The following BLOC1S5 variants were observed in gnomAD, a reference collection of about 807,000 sequenced individuals.
BLOC1S5 encodes biogenesis of lysosome-related organelles complex 1 subunit 5.
A neutral mutation model predicts 24.3 loss-of-function variants in BLOC1S5; 27 were observed. The observed-to-expected ratio is 1.11, with a 90% CI of 0.82 to 1.53. BLOC1S5 has a LOEUF of 1.53. Ranked by LOEUF, BLOC1S5 falls within the 40% of genes most tolerant of loss-of-function variation. BLOC1S5 has a pLI of 0.00. For synonymous variants in BLOC1S5, 84 were observed against 74.5 expected, an observed-to-expected ratio of 1.13 and a Z score of -0.66; for missense variants, 239 against 229.4, an observed-to-expected ratio of 1.04 and a Z score of -0.27.
chr6:8,060,438 G>C (rs1011970851), intron 2 of BLOC1S5, among the ~76,000 whole-genome samples: 4 of 152,160 alleles, frequency 2.6e-5, no homozygotes, highest in African/African-American at 9.7e-5. Flanking sequence ...GCCAAAGTAG[G>C]AGGAGGCTAA....
chr6:8,046,564 A>G (rs79851630), intron 2 of BLOC1S5, among the ~76,000 whole-genome samples: 6,665 of 152,168 alleles, frequency 0.044, 501 homozygotes, highest in African/African-American at 0.15. Flanking sequence ...TAATTTTCCC[A>G]TAATAAAATA....
In BLOC1S5 at chr6:8,015,968, G is replaced by A. The variant is rs189165267; in HGVS notation, c.385-140C>T. ...TGTGTTATAATATCCAAAAAAAGAT[G>A]ACACATTAGAAACATCTAAGGCTTC... On this transcript the variant is annotated intron_variant, in intron 4 of 4. Transcript: ENST00000397457. 159 of 696,612 alleles carry A rather than the reference G, an allele frequency of 2.3e-4. No homozygotes were observed. The African/African-American group carries it at 2.5e-3, about 11-fold the overall frequency. The allele number at this position is 696,612 out of a possible 1,614,324, so 43.2% of individuals were successfully genotyped here.
intron 2 of BLOC1S5, among the ~76,000 whole-genome samples, chr6:8,053,970 T>C (rs1764224754): frequency 6.6e-6 from 1 of 152,240 alleles, no homozygotes; most frequent in Non-Finnish European, 1.5e-5. Context: ...TCTGAAACTT[T>C]TTGAATGCTA....
chr6:8,024,899 T>C lies in BLOC1S5; in HGVS notation c.384+1468A>G, dbSNP rs560765793. Among the ~76,000 whole-genome samples, 14 of 152,370 alleles carry C rather than the reference T, an allele frequency of 9.2e-5. No homozygotes were observed. The South Asian group carries it at 2.7e-3, about 29-fold the overall frequency. On this transcript the variant is annotated intron_variant, in intron 4 of 4. Transcript: ENST00000397457. The stretch of plus-strand genomic sequence containing the variant: ...GAAGCTCAAGGATTTGTCCAAGGGC[T>C]TATAGCTAGCTAGTACAGGGAAGCA...
At chr6:8,016,470 C>T (rs750798768) in intron 4 of BLOC1S5, among the ~76,000 whole-genome samples, 7 of 151,930 alleles carry the variant, frequency 4.6e-5, no homozygotes, top group Non-Finnish European at 8.8e-5. Flanking sequence ...AAAATATATG[C>T]TAAAAGAATC....
At chr6:8,023,462 C>T (rs1396325100) in intron 4 of BLOC1S5, among the ~76,000 whole-genome samples, 2 of 151,936 alleles carry the variant, frequency 1.3e-5, no homozygotes, top group Admixed American at 6.6e-5. Context: ...TGGTGGCGTG[C>T]GCCTGTAATC....
At chr6:8,034,437 T>C (rs911763474) in intron 3 of BLOC1S5, among the ~76,000 whole-genome samples, 4 of 152,126 alleles carry the variant, frequency 2.6e-5, no homozygotes, top group Non-Finnish European at 5.9e-5. Context: ...ATGAGCCCCC[T>C]TGGACACAGG....
intron 3 of BLOC1S5, among the ~76,000 whole-genome samples, chr6:8,029,728 G>A (rs2744007): frequency 0.41 from 61,633 of 151,904 alleles, 13,934 homozygotes; most frequent in East Asian, 0.78. Context: ...ATCCCTTTGC[G>A]GACCTCCCCC....
chr6:8,055,718 G>T (rs933765333), intron 2 of BLOC1S5, among the ~76,000 whole-genome samples: 1 of 152,140 alleles, frequency 6.6e-6, no homozygotes, highest in Admixed American at 6.5e-5. Flanking sequence ...TTGTGAAAGG[G>T]TGTTTTGGTT....
intron 2 of BLOC1S5, among the ~76,000 whole-genome samples, chr6:8,047,849 G>C (rs950619268): frequency 2.0e-5 from 3 of 152,152 alleles, no homozygotes; most frequent in Admixed American, 1.3e-4. Context: ...GTAGCATTCT[G>C]TCTTTGTTTA....
chr6:8,064,318 C>G lies in BLOC1S5; in HGVS notation c.59G>C (p.Ser20Thr). The change falls in exon 1 of 5, where the codon AGC becomes ACC. Residue 20 changes from serine to threonine, a missense_variant. By Grantham distance (58) the Ser-to-Thr change is moderately conservative. Coordinates refer to ENST00000397457, the MANE Select transcript of BLOC1S5 (RefSeq NM_201280.3). The stretch of plus-strand genomic sequence containing the variant: ...AGTCCCCAGGGAGTCCCTCTTCTTG[C>G]TGCCACCGCCCGGGGCGGCCTCACA... ...VGCEAAPGGG[S>T]KKRDSLGTAG... The G allele has an allele frequency of 6.2e-7, 1 of 1,613,616 alleles. No individual in the cohort carries two copies. The highest frequency in any genetic ancestry group is 8.5e-7 in the Non-Finnish European group (1 of 1,179,868).
rs60827828 is a variant in BLOC1S5, at chr6:8,058,357, GAAAAAAAAAAAAAA to G, written c.195+4163_195+4176del. On this transcript the variant is annotated intron_variant, in intron 2 of 4. Transcript: ENST00000397457. ...CAACACAGTGAGACCCTGTCTCTAT[GAAAAAAAAAAAAAA>G]AAAAAAAAAAAAAAAAAAAATAGCC... Among the ~76,000 whole-genome samples the G allele has an allele frequency of 9.6e-4, 81 of 84,588 alleles. 1 individual carries two copies. Among genetic ancestry groups the G allele is most frequent in the South Asian group, 2.5e-3 (4 of 1,602 alleles). 55.5% of individuals were successfully genotyped at this position (84,588 alleles called of 152,430 possible).
intron 3 of BLOC1S5, among the ~76,000 whole-genome samples, chr6:8,039,207 T>C (rs891666888): frequency 2.6e-5 from 4 of 152,216 alleles, no homozygotes; most frequent in South Asian, 2.1e-4. Flanking sequence ...AAATATTGCA[T>C]GCTCTCACTC....
At chr6:8,048,958 G>A (rs1290615667) in intron 2 of BLOC1S5, among the ~76,000 whole-genome samples, 1 of 150,598 alleles carries the variant, frequency 6.6e-6, no homozygotes, top group East Asian at 2.0e-4. Flanking sequence ...AAGCTGCAGT[G>A]AGTCGAGATC....
chr6:8,036,243 G>C (rs1053700302), intron 3 of BLOC1S5, among the ~76,000 whole-genome samples: 2 of 152,016 alleles, frequency 1.3e-5, no homozygotes, highest in African/African-American at 2.4e-5. Context: ...GAAATTTATA[G>C]CAGCAAAAGC....
At chr6:8,019,601 GA>G (rs1233910566) in intron 4 of BLOC1S5, among the ~76,000 whole-genome samples, 4 of 45,746 alleles carry the variant, frequency 8.7e-5, no homozygotes, top group Non-Finnish European at 1.8e-4. Flanking sequence ...AATCAGTAAA[GA>G]AAAAAGGGGG....
chr6:8,044,547 A>C (rs887910309), intron 2 of BLOC1S5, among the ~76,000 whole-genome samples: 6 of 152,204 alleles, frequency 3.9e-5, no homozygotes, highest in African/African-American at 1.4e-4. Context: ...TGGAGGGCTC[A>C]GAAGAAGACA....
At chr6:8,045,382 G>A (rs138666991) in intron 2 of BLOC1S5, among the ~76,000 whole-genome samples, 1,733 of 152,324 alleles carry the variant, frequency 0.011, 33 homozygotes, top group African/African-American at 0.04. Context: ...GGCCCTCATG[G>A]AGAACCTCTG....
chr6:8,052,873 G>A (rs1032405068), intron 2 of BLOC1S5, among the ~76,000 whole-genome samples: 3 of 150,566 alleles, frequency 2.0e-5, no homozygotes, highest in Admixed American at 6.6e-5. Flanking sequence ...ACTCCAGCCC[G>A]GGCAACAGAG....
Sources: allele counts gnomAD v4.1 joint callset (sites outside exome capture counted in the v4.1 genomes callset), GRCh38; gene constraint gnomAD v4.1.1; transcripts MANE v1.5; gene names NCBI Gene and HGNC (gene_info 2026-07-23, HGNC 2026-07-21).